The following CSMD1 variants were observed in gnomAD, a reference collection of about 807,000 sequenced individuals.
The protein encoded by CSMD1 is CUB and Sushi multiple domains 1, also known as CUB and sushi domain-containing protein 1.
Under a neutral mutation model 417.5 loss-of-function variants are expected in CSMD1, and 213 were observed. The ratio of observed to expected loss-of-function variants is 0.51; its 90% CI spans 0.46 to 0.57. The LOEUF is 0.57. Among genes scored for constraint, CSMD1 ranks in the 20% least tolerant of loss-of-function variants. The pLI, the probability that CSMD1 is intolerant of heterozygous loss-of-function variation, is 0.00. For missense variants in CSMD1, 6,923 were observed against 4,529.7 expected (o/e 1.53, Z -15.17); for synonymous variants, 2,862 against 1,736.8 (o/e 1.65, Z -16.11).
chr8:4,422,255 G>T (rs572603676), intron 2 of CSMD1, among the ~76,000 whole-genome samples: 28 of 152,178 alleles, frequency 1.8e-4, no homozygotes, highest in East Asian at 9.7e-4. Context: ...TCCAGAAAGT[G>T]TAAGTGGATA....
At chr8:4,546,169 G>A (rs923434848) in intron 2 of CSMD1, among the ~76,000 whole-genome samples, 6 of 152,186 alleles carry the variant, frequency 3.9e-5, no homozygotes, top group Non-Finnish European at 8.8e-5. Context: ...ACATTTTTCA[G>A]TTTATTATGT....
intron 10 of CSMD1, among the ~76,000 whole-genome samples, chr8:3,537,033 C>G (rs1798231581): frequency 6.6e-6 from 1 of 151,986 alleles, no homozygotes; most frequent in South Asian, 2.1e-4. Context: ...GAGATGGAGT[C>G]TTTCTCTGTT....
intron 1 of CSMD1, among the ~76,000 whole-genome samples, chr8:4,932,947 G>A (rs975982140): frequency 6.6e-6 from 1 of 152,098 alleles, no homozygotes; most frequent in Non-Finnish European, 1.5e-5. Context: ...TACATAACAT[G>A]TATCTAGCCA....
intron 23 of CSMD1, among the ~76,000 whole-genome samples, chr8:3,310,796 CACAGCACCCAGGAGGTATCCACCTTA>C (rs1805277145): frequency 1.2e-5 from 1 of 81,860 alleles, no homozygotes; most frequent in Non-Finnish European, 3.4e-5. Context: ...GGGTTCTGCA[CACAGCACCCAGGAGGTATCCACCTTA>C]ACAAACCACA....
At chr8:3,784,544 T>G (rs1306966892) in intron 5 of CSMD1, among the ~76,000 whole-genome samples, 1 of 152,210 alleles carries the variant, frequency 6.6e-6, no homozygotes, top group African/African-American at 2.4e-5. Context: ...AACTGGTCCC[T>G]CATGGTCATA....
rs144510110 is a variant in CSMD1 at position 3,236,905 on chromosome 8, C to A, written c.4154-6674G>T. Among the ~76,000 whole-genome samples, 332 of 152,164 alleles carry A rather than the reference C, an allele frequency of 2.2e-3. 1 individual carries two copies. Among genetic ancestry groups the A allele is most frequent in the South Asian group, 0.012 (59 of 4,816 alleles). ...GCCCTGTTTTCCAGTTTCCCACAGGCGTTCCCTGGAAAATCTCAAGTCACA... is the reference window on the plus strand; with the variant it reads ...GCCCTGTTTTCCAGTTTCCCACAGGAGTTCCCTGGAAAATCTCAAGTCACA... On this transcript the variant is annotated intron_variant, in intron 26 of 69. Coordinates refer to ENST00000635120, the MANE Select transcript of CSMD1 (RefSeq NM_033225.6).
At chr8:4,550,876 T>TATCA (rs112559710) in intron 2 of CSMD1, among the ~76,000 whole-genome samples, 6 of 152,294 alleles carry the variant, frequency 3.9e-5, no homozygotes, top group African/African-American at 1.4e-4. Flanking sequence ...ACTTTGATCC[T>TATCA]ATCATTTTAC....
intron 1 of CSMD1, among the ~76,000 whole-genome samples, chr8:4,883,557 A>G (rs1039035476): frequency 2.6e-5 from 4 of 152,218 alleles, no homozygotes; most frequent in Admixed American, 2.6e-4. Context: ...GCCAATTCCA[A>G]GCATTTCGTA....
chr8:3,501,720 C>T (rs1796608508), intron 10 of CSMD1, among the ~76,000 whole-genome samples: 1 of 152,176 alleles, frequency 6.6e-6, no homozygotes, highest in East Asian at 1.9e-4. Flanking sequence ...AAGTTTATGT[C>T]TGGAAATTAT....
At chr8:3,232,349 G>C (rs1446042082) in intron 26 of CSMD1, among the ~76,000 whole-genome samples, 1 of 152,126 alleles carries the variant, frequency 6.6e-6, no homozygotes, top group Non-Finnish European at 1.5e-5. Context: ...CAAGTTCTGT[G>C]ACTCTCTGTC....
intron 2 of CSMD1, among the ~76,000 whole-genome samples, chr8:4,577,473 CT>C (rs1165477918): frequency 3.9e-5 from 6 of 152,186 alleles, no homozygotes; most frequent in African/African-American, 1.4e-4. Flanking sequence ...TGCTCCCCTC[CT>C]TCCTCTTCCC....
rs149822853 is a variant in CSMD1 at position 3,309,638 on chromosome 8, A to G, written c.3632-1135T>C. Among the ~76,000 whole-genome samples the G allele has an allele frequency of 7.2e-5, 11 of 151,928 alleles. No homozygotes were observed. In the East Asian group the frequency reaches 1.9e-3, roughly 27 times the overall value. On this transcript the variant is annotated intron_variant, in intron 23 of 69. Transcript: ENST00000635120. ...TGACAATTGTAAAAGGGAGAGCTGG[A>G]AACTTGAGGGACCACATGGTCTCTT...
At chr8:4,922,644 C>G (rs1430851955) in intron 1 of CSMD1, among the ~76,000 whole-genome samples, 1 of 152,186 alleles carries the variant, frequency 6.6e-6, no homozygotes, top group Admixed American at 6.5e-5. Context: ...ATCTTGTCCA[C>G]AGTTCACATG....
At chr8:3,083,683 T>A (rs35597727) in intron 49 of CSMD1, among the ~76,000 whole-genome samples, 1 of 108,628 alleles carries the variant, frequency 9.2e-6, no homozygotes, top group African/African-American at 3.5e-5. Flanking sequence ...TTTTTTTTGG[T>A]CTCATTCTGT....
rs78250535 is a variant in CSMD1 at position 4,026,123 on chromosome 8, T to C, written c.610+5782A>G. Reference sequence around the variant, plus strand: ...TTCGTGTGAATTATCTCAGTCCATATGGTTGAAATTTACATCTCTCATAAA... The same window carrying C: ...TTCGTGTGAATTATCTCAGTCCATACGGTTGAAATTTACATCTCTCATAAA... On this transcript the variant is annotated intron_variant, in intron 4 of 69. Coordinates refer to ENST00000635120, the MANE Select transcript of CSMD1 (RefSeq NM_033225.6). Among the ~76,000 whole-genome samples the C allele has an allele frequency of 7.0e-3, 1,072 of 152,268 alleles. 59 individuals carry two copies. The East Asian group carries it at 0.14, about 20-fold the overall frequency.
intron 5 of CSMD1, among the ~76,000 whole-genome samples, chr8:3,823,836 A>G (rs944488432): frequency 6.6e-6 from 1 of 152,204 alleles, no homozygotes; most frequent in Non-Finnish European, 1.5e-5. Flanking sequence ...ATGGTAATTT[A>G]AAAAATTTTT....
At chr8:2,941,129 G>A (rs1464507641) in intron 69 of CSMD1, among the ~76,000 whole-genome samples, 3 of 152,144 alleles carry the variant, frequency 2.0e-5, no homozygotes, top group African/African-American at 4.8e-5. Context: ...TAACACAGAT[G>A]TGCCCATCTT....
intron 2 of CSMD1, among the ~76,000 whole-genome samples, chr8:4,452,577 A>C (rs1429903542): frequency 6.6e-6 from 1 of 152,230 alleles, no homozygotes. Flanking sequence ...CAAGAATATT[A>C]AACATCAGAA....
At chr8:3,676,443 A>G (rs1484226247) in intron 7 of CSMD1, among the ~76,000 whole-genome samples, 4 of 152,254 alleles carry the variant, frequency 2.6e-5, no homozygotes, top group African/African-American at 9.6e-5. Flanking sequence ...TGCTAACATT[A>G]GTTATGTAGA....
Sources: gnomAD v4.1 joint callset for allele counts (sites outside exome capture counted in the v4.1 genomes callset) on GRCh38, gnomAD v4.1.1 for gene constraint, MANE v1.5 for transcripts, NCBI Gene and HGNC (gene_info 2026-07-23, HGNC 2026-07-21) for gene names.